The following IL1RAPL1 variants were observed in gnomAD, a reference collection of about 807,000 sequenced individuals.
IL1RAPL1 encodes the protein interleukin-1 receptor accessory protein-like 1.
IL1RAPL1 carries 3 observed loss-of-function variants against 48.4 expected under a neutral mutation model. That is an observed-to-expected ratio of 0.06 (90% CI 0.03 to 0.16). The LOEUF (loss-of-function observed/expected upper bound fraction) is 0.16. IL1RAPL1 is among the 10% of genes least tolerant of loss of function. The pLI, the probability that IL1RAPL1 is intolerant of heterozygous loss-of-function variation, is 1.00. For synonymous variants in IL1RAPL1, 185 were observed against 187.7 expected (o/e 0.99, Z 0.12); for missense variants, 349 against 530.6 (o/e 0.66, Z 3.36).
intron 6 of IL1RAPL1, among the ~76,000 whole-genome samples, chrX:29,672,012 CT>C (rs1464701833): frequency 9.0e-6 from 1 of 111,706 alleles, no homozygotes. Flanking sequence ...AGAGAAGAAT[CT>C]TTTTCTTACA....
intron 2 of IL1RAPL1, among the ~76,000 whole-genome samples, chrX:28,939,593 C>G (rs1924113373): frequency 9.0e-6 from 1 of 110,649 alleles, no homozygotes; most frequent in Non-Finnish European, 1.9e-5. Flanking sequence ...CGTTTAGTAC[C>G]TGGGCCATGA....
intron 6 of IL1RAPL1, among the ~76,000 whole-genome samples, chrX:29,818,383 C>T (rs1320385697): frequency 9.0e-6 from 1 of 111,677 alleles, no homozygotes; most frequent in Non-Finnish European, 1.9e-5. Flanking sequence ...CCTTAGTGGG[C>T]AGATACTGTA....
At chrX:28,897,209 G>A (rs1922944364) in intron 2 of IL1RAPL1, among the ~76,000 whole-genome samples, 1 of 90,761 alleles carries the variant, frequency 1.1e-5, no homozygotes, top group Non-Finnish European at 2.2e-5. Context: ...GAGACACGGA[G>A]AGAAGGGGTC....
At chrX:28,628,828 C>T (rs1934369479) in intron 1 of IL1RAPL1, among the ~76,000 whole-genome samples, 2 of 111,923 alleles carry the variant, frequency 1.8e-5, no homozygotes, top group African/African-American at 6.5e-5. Context: ...GCAAACAGTT[C>T]CTTACGGTTG....
At chrX:28,810,088 C>T (rs1020809175) in intron 2 of IL1RAPL1, among the ~76,000 whole-genome samples, 4 of 109,920 alleles carry the variant, frequency 3.6e-5, no homozygotes, top group African/African-American at 1.3e-4. Context: ...TTCCTGTTTT[C>T]GAAATGTAGA....
chrX:29,630,032 C>T (rs1001272769), intron 5 of IL1RAPL1, among the ~76,000 whole-genome samples: 26 of 112,111 alleles, frequency 2.3e-4, no homozygotes, highest in Admixed American at 1.9e-3. Context: ...CAAAACACCA[C>T]AAAGTGGATA....
intron 6 of IL1RAPL1, among the ~76,000 whole-genome samples, chrX:29,879,397 A>ATG (rs1282371982): frequency 4.3e-5 from 3 of 70,449 alleles, no homozygotes; most frequent in South Asian, 1.2e-3. Flanking sequence ...GTGTGTGTGT[A>ATG]TATATATATA....
intron 1 of IL1RAPL1, among the ~76,000 whole-genome samples, chrX:28,615,226 T>G (rs201301977): frequency 1.2e-3 from 121 of 96,974 alleles, no homozygotes; most frequent in Middle Eastern, 5.2e-3. Context: ...TTTTTTTTTT[T>G]TTTTTTTTAC....
At chrX:29,660,832 A>G (rs1002279624) in intron 5 of IL1RAPL1, among the ~76,000 whole-genome samples, 4 of 112,053 alleles carry the variant, frequency 3.6e-5, no homozygotes, top group Non-Finnish European at 7.5e-5. Context: ...TTCGTTCCAT[A>G]TGAATTTTAG....
At chrX:29,884,443 TC>T (rs1251045500) in intron 6 of IL1RAPL1, among the ~76,000 whole-genome samples, 2 of 110,343 alleles carry the variant, frequency 1.8e-5, no homozygotes, top group Non-Finnish European at 3.8e-5. Flanking sequence ...TTAGTTTCCC[TC>T]CCACCATTCT....
chrX:28,756,743 G>A (rs1936109865), intron 1 of IL1RAPL1, among the ~76,000 whole-genome samples: 1 of 111,644 alleles, frequency 9.0e-6, no homozygotes, highest in South Asian at 3.7e-4. Flanking sequence ...TTACTTCCCA[G>A]CATTTGAACT....
At chrX:29,319,613 G>A (rs749969104) in intron 3 of IL1RAPL1, among the ~76,000 whole-genome samples, 4 of 105,694 alleles carry the variant, frequency 3.8e-5, no homozygotes, top group South Asian at 4.1e-4. Context: ...TATAGTTTTC[G>A]AAATGTTGTC....
At chrX:29,209,890 C>T (rs188317990) in intron 2 of IL1RAPL1, among the ~76,000 whole-genome samples, 37 of 112,173 alleles carry the variant, frequency 3.3e-4, no homozygotes, top group Non-Finnish European at 6.2e-4. Context: ...TCACCATATA[C>T]ATGTGGTTGG....
At chrX:29,007,631 C>A (rs2147392440) in intron 2 of IL1RAPL1, among the ~76,000 whole-genome samples, 1 of 111,717 alleles carries the variant, frequency 9.0e-6, no homozygotes, top group African/African-American at 3.2e-5. Flanking sequence ...GTATAAATTA[C>A]AATTATTCTA....
chrX:29,844,935 C>T (rs1931215007), intron 6 of IL1RAPL1, among the ~76,000 whole-genome samples: 1 of 112,098 alleles, frequency 8.9e-6, no homozygotes, highest in African/African-American at 3.2e-5. Flanking sequence ...GCCACAGAGA[C>T]ACACAAAGAG....
At chrX:29,690,585 G>A (rs1268420747) in intron 6 of IL1RAPL1, among the ~76,000 whole-genome samples, 1 of 111,070 alleles carries the variant, frequency 9.0e-6, no homozygotes, top group African/African-American at 3.3e-5. Context: ...ACTTTTTCAA[G>A]TTTAATGGAA....
intron 1 of IL1RAPL1, among the ~76,000 whole-genome samples, chrX:28,781,130 T>G (rs1936419247): frequency 1.8e-5 from 2 of 110,196 alleles, no homozygotes; most frequent in South Asian, 7.6e-4. Flanking sequence ...AAATATATTA[T>G]CATGTAGTTT....
intron 2 of IL1RAPL1, among the ~76,000 whole-genome samples, chrX:29,185,916 C>G (rs760097493): frequency 2.7e-5 from 3 of 110,494 alleles, no homozygotes. Context: ...AAGAGGTATT[C>G]TAGGCAAGGG....
chrX:28,846,263 T>A (rs1921505936), intron 2 of IL1RAPL1, among the ~76,000 whole-genome samples: 1 of 112,252 alleles, frequency 8.9e-6, no homozygotes, highest in East Asian at 2.8e-4. Flanking sequence ...AGCTGATTTA[T>A]TTTTAGCACT....
Sources: allele counts gnomAD v4.1 joint callset (sites outside exome capture counted in the v4.1 genomes callset), GRCh38; gene constraint gnomAD v4.1.1; transcripts MANE v1.5; gene names NCBI Gene and HGNC (gene_info 2026-07-23, HGNC 2026-07-21).